ZNF618: variants seen among roughly 807,000 people sequenced by gnomAD.
ZNF618 encodes the protein neural precursor cell expressed, developmentally down-regulated 10.
A neutral mutation model predicts 103.0 loss-of-function variants in ZNF618; 34 were observed. The ratio of observed to expected loss-of-function variants is 0.33; its 90% CI spans 0.25 to 0.44. ZNF618 has a LOEUF of 0.44. Among genes scored for constraint, ZNF618 ranks in the 20% least tolerant of loss-of-function variants. ZNF618 has a pLI of 1.00. For missense variants in ZNF618, 1,059 were observed against 1,295.4 expected (o/e 0.82, Z 2.80); for synonymous variants, 551 against 542.2 (o/e 1.02, Z -0.23).
At chr9:114,024,415 C>T (rs114493425) in intron 10 of ZNF618, among the ~76,000 whole-genome samples, 1,727 of 152,278 alleles carry the variant, frequency 0.011, 28 homozygotes, top group African/African-American at 0.038. Flanking sequence ...TTGTTTCTTC[C>T]GTGCTGCATC....
chr9:113,885,502 GTTATT>G (rs927093902), intron 1 of ZNF618, among the ~76,000 whole-genome samples: 5 of 152,152 alleles, frequency 3.3e-5, no homozygotes, highest in Non-Finnish European at 7.4e-5. Flanking sequence ...TCTCTTGTAT[GTTATT>G]TTATCTTTTT....
At chr9:113,907,008 T>G (rs990392977) in intron 1 of ZNF618, among the ~76,000 whole-genome samples, 5 of 152,226 alleles carry the variant, frequency 3.3e-5, no homozygotes, top group African/African-American at 1.2e-4. Context: ...ATGCTTATTT[T>G]TCACCCCCAG....
rs1846248231 is a variant in ZNF618, at chr9:114,053,303, C to T, written c.*3136C>T. On this transcript the variant is annotated 3_prime_UTR_variant, in exon 15 of 15. Coordinates refer to ENST00000374126, the MANE Select transcript of ZNF618 (RefSeq NM_001318042.2). ...TTCATCTCCTGGTGTCCAGCCTGAC[C>T]TTCACATCTGGAAGGATTTTGTCGT... 1.3e-5 allele frequency: 2 copies of T among 152,266 alleles called. No individual in the cohort carries two copies. The highest frequency in any genetic ancestry group is 4.8e-5 in the African/African-American group (2 of 41,454). The allele number at this position is 152,266 out of a possible 1,614,324, so 9.4% of individuals were successfully genotyped here. A position where few individuals can be genotyped will look rare whatever the true frequency, so the allele number is the denominator to read the frequency against.
intron 13 of ZNF618, among the ~76,000 whole-genome samples, chr9:114,043,500 C>G (rs768939898): frequency 5.3e-5 from 8 of 152,176 alleles, no homozygotes; most frequent in Non-Finnish European, 1.2e-4. Flanking sequence ...AGCATCTGTT[C>G]ATGTGCTCAT....
Position 113,998,335 on chromosome 9 carries a change from A to T in ZNF618, c.414A>T (p.Gln138His). 1 of 1,550,534 alleles carries T rather than the reference A, an allele frequency of 6.4e-7. No individual in the cohort carries two copies. The highest frequency in any genetic ancestry group is 8.7e-7 in the Non-Finnish European group (1 of 1,146,988). ...ATTCAGGGACCTGGATTTTTGACCA[A>T]GCATTGAGATATGCATCTGGTACGT... is the stretch of plus-strand genomic sequence containing the variant. ...SRYSGTWIFD[Q>H]ALRYASGSYE... The change falls in exon 4 of 15, where the codon CAA (glutamine) becomes CAT (histidine). Residue 138 changes from glutamine to histidine, a missense_variant. Gln to His is a conservative substitution (Grantham distance 24). Coordinates refer to ENST00000374126, the MANE Select transcript of ZNF618 (RefSeq NM_001318042.2).
chr9:113,897,453 G>T (rs1376067368), intron 1 of ZNF618, among the ~76,000 whole-genome samples: 1 of 152,094 alleles, frequency 6.6e-6, no homozygotes, highest in Non-Finnish European at 1.5e-5. Flanking sequence ...TGAAATTTGA[G>T]GCTTATTCCA....
intron 3 of ZNF618, among the ~76,000 whole-genome samples, chr9:113,994,168 C>G (rs1840344521): frequency 6.6e-6 from 1 of 152,168 alleles, no homozygotes; most frequent in South Asian, 2.1e-4. Flanking sequence ...GGAAGGAGCT[C>G]CAACCAGGAG....
rs80273295 is a variant in ZNF618 at position 114,038,534 on chromosome 9, C to T, written c.1246+2157C>T. ...TCATGAGCTGCGCAGTTCACAGCGC[C>T]GACGATAAGGAGGATCAGCCTTGAA... On this transcript the variant is annotated intron_variant, in intron 13 of 14. Transcript: ENST00000374126. 6.8e-3 allele frequency among the ~76,000 whole-genome samples: 1,036 copies of T among 152,188 alleles called. 18 individuals carry two copies. The highest frequency in any genetic ancestry group is 0.023 in the African/African-American group (951 of 41,508).
intron 6 of ZNF618, among the ~76,000 whole-genome samples, chr9:114,005,224 C>G (rs1428656107): frequency 6.6e-6 from 1 of 152,224 alleles, no homozygotes; most frequent in Non-Finnish European, 1.5e-5. Context: ...CAGAGCCTGC[C>G]TCCCTGAACG....
At chr9:113,879,176 AG>A (rs901365822) in intron 1 of ZNF618, among the ~76,000 whole-genome samples, 17 of 139,172 alleles carry the variant, frequency 1.2e-4, no homozygotes, top group African/African-American at 3.2e-4. Flanking sequence ...GGAGGGGTGG[AG>A]GGGGGTAGGG....
At chr9:113,969,020 G>A in intron 1 of ZNF618, 97 bp from the exon 2 acceptor site, 1 of 1,393,598 alleles carries the variant, frequency 7.2e-7, no homozygotes, top group South Asian at 1.2e-5. Flanking sequence ...CCCACAGTGT[G>A]AAGGCTGGTA....
Position 114,049,791 on chromosome 9 carries a change from G to A in ZNF618, c.2489G>A (p.Cys830Tyr). 6.2e-7 allele frequency: 1 copy of A among 1,614,004 alleles called. No individual in the cohort carries two copies. The highest frequency in any genetic ancestry group is 1.1e-5 in the South Asian group (1 of 91,090). ...CACGAGGAGATCATCGGCAAGGTCTGTGAGCTCATCAACGAGGTGAAGGAG... is the reference window on the plus strand; with the variant it reads ...CACGAGGAGATCATCGGCAAGGTCTATGAGCTCATCAACGAGGTGAAGGAG... ...YQHEEIIGKV[C>Y]ELINEVKESW... The change falls in exon 15 of 15, where the codon TGT (cysteine) becomes TAT (tyrosine). Residue 830 changes from cysteine to tyrosine, a missense_variant. By Grantham distance (194) the Cys-to-Tyr change is radical. Coordinates refer to ENST00000374126, the MANE Select transcript of ZNF618 (RefSeq NM_001318042.2).
rs564883438 is a variant in ZNF618 at position 113,963,254 on chromosome 9, G to A, written c.34-5863G>A. On this transcript the variant is annotated intron_variant, in intron 1 of 14. Coordinates refer to ENST00000374126, the MANE Select transcript of ZNF618 (RefSeq NM_001318042.2). ...AATGCACTTGGTTGCACCCACTGCC[G>A]AGGTCACATATCTTCCTGCAAGGTT... Among the ~76,000 whole-genome samples the A allele has an allele frequency of 4.3e-4, 65 of 152,316 alleles. No individual in the cohort carries two copies. In the South Asian group the frequency reaches 0.013, roughly 30 times the overall value.
At chr9:113,961,257 A>C (rs1192661576) in intron 1 of ZNF618, among the ~76,000 whole-genome samples, 1 of 152,182 alleles carries the variant, frequency 6.6e-6, no homozygotes, top group Non-Finnish European at 1.5e-5. Context: ...TGGTAATTAT[A>C]AACTGATTGA....
chr9:113,963,335 A>G (rs1837043735), intron 1 of ZNF618, among the ~76,000 whole-genome samples: 1 of 152,258 alleles, frequency 6.6e-6, no homozygotes, highest in African/African-American at 2.4e-5. Flanking sequence ...ACATATAAAA[A>G]TATATGAAAT....
At chr9:114,001,791 T>C (rs578028194) in intron 4 of ZNF618, among the ~76,000 whole-genome samples, 2 of 152,272 alleles carry the variant, frequency 1.3e-5, no homozygotes, top group African/African-American at 4.8e-5. Flanking sequence ...GGGGGTGCCT[T>C]GCCCAAGGTC....
chr9:114,003,143 C>T (rs1295040814), intron 6 of ZNF618, among the ~76,000 whole-genome samples: 1 of 152,220 alleles, frequency 6.6e-6, no homozygotes, highest in Non-Finnish European at 1.5e-5. Flanking sequence ...CAGCCAGGGG[C>T]ACTAATTGCT....
intron 13 of ZNF618, among the ~76,000 whole-genome samples, chr9:114,036,792 T>A (rs1429141484): frequency 1.3e-5 from 2 of 152,228 alleles, no homozygotes; most frequent in African/African-American, 4.8e-5. Context: ...CAAGCTGGGC[T>A]AAGGCCCACC....
rs1235349211 is a variant in ZNF618 at position 113,951,601 on chromosome 9, A to G, written c.34-17516A>G. Among the ~76,000 whole-genome samples the G allele has an allele frequency of 6.0e-5, 6 of 100,108 alleles. 1 individual carries two copies. Among genetic ancestry groups the G allele is most frequent in the South Asian group, 3.5e-4 (1 of 2,818 alleles). 65.7% of individuals were successfully genotyped at this position (100,108 alleles called of 152,430 possible). ...TATGTGTGTGTGTGTGTGTGTGTAT[A>G]TATATGTATATATATATATGTATAT... On this transcript the variant is annotated intron_variant, in intron 1 of 14. Transcript: ENST00000374126.
Sources: allele counts gnomAD v4.1 joint callset (sites outside exome capture counted in the v4.1 genomes callset), GRCh38; gene constraint gnomAD v4.1.1; transcripts MANE v1.5; gene names NCBI Gene and HGNC (gene_info 2026-07-23, HGNC 2026-07-21).